LINGO2: variants seen among roughly 807,000 people sequenced by gnomAD.
LINGO2 encodes leucine rich repeat and Ig domain containing 2, also known as leucine-rich repeat and immunoglobulin-like domain-containing nogo receptor-interacting protein 2.
Under a neutral mutation model 30.6 loss-of-function variants are expected in LINGO2, and 14 were observed. The ratio of observed to expected loss-of-function variants is 0.46; its 90% CI spans 0.30 to 0.72. The LOEUF is 0.72. Ranked by LOEUF, LINGO2 falls within the 30% of genes least tolerant of loss-of-function variation. LINGO2 has a pLI of 0.07. For missense variants in LINGO2, 729 were observed against 751.7 expected, an observed-to-expected ratio of 0.97 and a Z score of 0.35; for synonymous variants, 317 against 288.5, an observed-to-expected ratio of 1.10 and a Z score of -1.00.
rs556270208 is a variant in LINGO2, at chr9:28,206,229, T to C, written c.-87+88979A>G. Among the ~76,000 whole-genome samples the C allele has an allele frequency of 1.1e-3, 169 of 151,046 alleles. 2 individuals carry two copies. The South Asian group carries it at 0.018, about 16-fold the overall frequency. On this transcript the variant is annotated intron_variant, in intron 4 of 5. Transcript: ENST00000379992. The stretch of plus-strand genomic sequence containing the variant: ...AATTATATCTCAGGAATTTGAGTGT[T>C]TGACCTATAAAGTTGAGAATAAGCT...
chr9:29,074,516 A>C, the LINGO2 span, among the ~76,000 whole-genome samples: 180 of 152,192 alleles, frequency 1.2e-3, no homozygotes, highest in African/African-American at 4.2e-3. Flanking sequence ...TCTTCTCATC[A>C]ATAGTCCAGC....
intron 4 of LINGO2, among the ~76,000 whole-genome samples, chr9:28,227,040 T>G (rs978971493): frequency 6.6e-6 from 1 of 152,130 alleles, no homozygotes; most frequent in Non-Finnish European, 1.5e-5. Flanking sequence ...TCTAACCCAT[T>G]GGATTATTAT....
intron 2 of LINGO2, among the ~76,000 whole-genome samples, chr9:28,440,912 T>C (rs898389252): frequency 1.3e-5 from 2 of 152,178 alleles, no homozygotes; most frequent in Non-Finnish European, 2.9e-5. Flanking sequence ...TAGAGGCATA[T>C]CTGTAAAAGT....
chr9:28,598,053 C>T (rs538544479), intron 1 of LINGO2, among the ~76,000 whole-genome samples: 6 of 152,218 alleles, frequency 3.9e-5, no homozygotes, highest in South Asian at 4.1e-4. Context: ...GTGTGAGCCA[C>T]CATGCCCAGC....
chr9:28,730,084 G>GA, the LINGO2 span, among the ~76,000 whole-genome samples: 207 of 151,990 alleles, frequency 1.4e-3, 1 homozygote, highest in South Asian at 4.8e-3. Context: ...GTGAAGATAA[G>GA]AAAAAAAGAG....
chr9:28,986,848 A>G, the LINGO2 span, among the ~76,000 whole-genome samples: 1 of 152,038 alleles, frequency 6.6e-6, no homozygotes, highest in African/African-American at 2.4e-5. Context: ...AAAAAACAGA[A>G]TGGTTAAATA....
chr9:29,187,847 C>G, the LINGO2 span, among the ~76,000 whole-genome samples: 1 of 133,030 alleles, frequency 7.5e-6, no homozygotes, highest in Non-Finnish European at 1.6e-5. Flanking sequence ...GGTTTTAACT[C>G]TTAATATAAC....
In LINGO2 at chr9:28,279,258, T is replaced by C. The variant is rs908701320; in HGVS notation, c.-87+15950A>G. ...AATGACAACAGAAGATTTAGAATAT[T>C]AAATAAACTTATTTGATAAAGCAGT... On this transcript the variant is annotated intron_variant, in intron 4 of 5. Coordinates refer to ENST00000379992, the Ensembl canonical transcript of LINGO2. Among the ~76,000 whole-genome samples, 11 of 152,226 alleles carry C rather than the reference T, an allele frequency of 7.2e-5. No homozygotes were observed. In the East Asian group the frequency reaches 2.1e-3, roughly 29 times the overall value.
chr9:29,087,950 A>C, the LINGO2 span, among the ~76,000 whole-genome samples: 18 of 152,260 alleles, frequency 1.2e-4, no homozygotes, highest in Non-Finnish European at 2.4e-4. Context: ...AAATGAGATA[A>C]GTTATATGCT....
chr9:28,736,285 G>C, the LINGO2 span, among the ~76,000 whole-genome samples: 1 of 152,132 alleles, frequency 6.6e-6, no homozygotes, highest in Non-Finnish European at 1.5e-5. Context: ...AGTTTACCAG[G>C]ATTGCCCCAG....
chr9:28,208,290 G>T (rs1263783030), intron 4 of LINGO2, among the ~76,000 whole-genome samples: 2 of 152,056 alleles, frequency 1.3e-5, no homozygotes, highest in East Asian at 3.9e-4. Context: ...TGCTGCCTGT[G>T]GGGTGGGGGA....
chr9:28,190,964 T>C lies in LINGO2; in HGVS notation c.-87+104244A>G, dbSNP rs1211882370. Among the ~76,000 whole-genome samples, 6 of 152,192 alleles carry C rather than the reference T, an allele frequency of 3.9e-5. No individual in the cohort carries two copies. The South Asian group carries it at 6.2e-4, about 16-fold the overall frequency. ...ACTACAGTGACCAAATAATTTGCAA[T>C]TGTGTAAGTGGAGAAACAATTATTT... is the stretch of plus-strand genomic sequence containing the variant. On this transcript the variant is annotated intron_variant, in intron 4 of 5. Coordinates refer to ENST00000379992, the Ensembl canonical transcript of LINGO2.
At chr9:27,959,516 T>C (rs531766653) in intron 5 of LINGO2, among the ~76,000 whole-genome samples, 14 of 152,314 alleles carry the variant, frequency 9.2e-5, no homozygotes, top group African/African-American at 3.4e-4. Context: ...CCCATCTAAA[T>C]CATCTTCTAA....
intron 1 of LINGO2, among the ~76,000 whole-genome samples, chr9:28,598,125 C>A (rs1379498383): frequency 3.3e-5 from 5 of 152,036 alleles, no homozygotes; most frequent in African/African-American, 1.2e-4. Context: ...TTATAGACAG[C>A]TATGATAACT....
chr9:28,164,975 C>A (rs1242084691), intron 4 of LINGO2, among the ~76,000 whole-genome samples: 1 of 152,144 alleles, frequency 6.6e-6, no homozygotes, highest in Non-Finnish European at 1.5e-5. Context: ...GACTACAAGG[C>A]CTTTGGGCAA....
intron 1 of LINGO2, among the ~76,000 whole-genome samples, chr9:28,547,214 T>C (rs1821995481): frequency 6.6e-6 from 1 of 152,142 alleles, no homozygotes; most frequent in South Asian, 2.1e-4. Context: ...ATTACTACTA[T>C]GTGAAAAGGG....
chr9:28,710,565 G>A, the LINGO2 span, among the ~76,000 whole-genome samples: 1 of 151,698 alleles, frequency 6.6e-6, no homozygotes, highest in East Asian at 1.9e-4. Context: ...CAATGGAAAG[G>A]TTTGTGCAAA....
At chr9:28,867,316 C>T in the LINGO2 span, among the ~76,000 whole-genome samples, 1 of 152,100 alleles carries the variant, frequency 6.6e-6, no homozygotes, top group South Asian at 2.1e-4. Context: ...AATCCTCCTA[C>T]TGGTTATTTT....
chr9:29,057,137 T>C, the LINGO2 span, among the ~76,000 whole-genome samples: 296 of 152,248 alleles, frequency 1.9e-3, 2 homozygotes, highest in African/African-American at 4.6e-4. Context: ...TAAATAATGA[T>C]GATGGCATTT....
Sources: gnomAD v4.1 joint callset for allele counts (sites outside exome capture counted in the v4.1 genomes callset) on GRCh38, gnomAD v4.1.1 for gene constraint, MANE v1.5 for transcripts, NCBI Gene and HGNC (gene_info 2026-07-23, HGNC 2026-07-21) for gene names.